The following ELAVL4 variants were observed in gnomAD, a reference collection of about 807,000 sequenced individuals.
The protein encoded by ELAVL4 is ELAV-like protein 4.
Under a neutral mutation model 35.6 loss-of-function variants are expected in ELAVL4, and 1 was observed. The ratio of observed to expected loss-of-function variants is 0.03; its 90% CI spans 0.01 to 0.13. ELAVL4 has a LOEUF of 0.13. Ranked by LOEUF, ELAVL4 falls within the 10% of genes least tolerant of loss-of-function variation. The pLI is 1.00. For missense variants in ELAVL4, 267 were observed against 464.9 expected, an observed-to-expected ratio of 0.57 and a Z score of 3.91; for synonymous variants, 156 against 171.0, an observed-to-expected ratio of 0.91 and a Z score of 0.69.
At chr1:50,194,037 T>C in intron 4 of ELAVL4, 119 bp downstream of exon 4, 1 of 1,283,784 alleles carries the variant, frequency 7.8e-7, no homozygotes, top group South Asian at 1.8e-5. Flanking sequence ...AATAGACAGA[T>C]TTTTGACTTG....
chr1:50,145,280 A>T, intron 2 of ELAVL4, 83 bp downstream of exon 2: 1 of 1,580,700 alleles, frequency 6.3e-7, no homozygotes, highest in East Asian at 2.2e-5. Flanking sequence ...GTGCACCTGA[A>T]TGTCTATATC....
In ELAVL4 at chr1:50,181,930, G is replaced by T. The variant is rs527416299; in HGVS notation, c.354+4738G>T. On this transcript the variant is annotated intron_variant, in intron 3 of 6. Coordinates refer to ENST00000371824, the MANE Select transcript of ELAVL4 (RefSeq NM_001144774.3). ...ACTCCTGACCTCAGGTGATCCACCC[G>T]CCTCAGCCTCCCAAAGTGCTGGGAT... Among the ~76,000 whole-genome samples, 7 of 152,290 alleles carry T rather than the reference G, an allele frequency of 4.6e-5. No homozygotes were observed. In the South Asian group the frequency reaches 6.2e-4, roughly 14 times the overall value.
At chr1:50,056,399 C>G (rs1663674755) in intron 1 of ELAVL4, among the ~76,000 whole-genome samples, 1 of 152,126 alleles carries the variant, frequency 6.6e-6, no homozygotes, top group African/African-American at 2.4e-5. Context: ...TGGAGGTCCC[C>G]TAAGATTATA....
chr1:50,192,888 G>T (rs1682878313), intron 3 of ELAVL4, among the ~76,000 whole-genome samples: 1 of 152,142 alleles, frequency 6.6e-6, no homozygotes, highest in Non-Finnish European at 1.5e-5. Flanking sequence ...CTACAGATTT[G>T]GCTTCTTGCA....
chr1:50,087,271 G>A (rs972679274), intron 1 of ELAVL4, among the ~76,000 whole-genome samples: 1 of 152,096 alleles, frequency 6.6e-6, no homozygotes, highest in Non-Finnish European at 1.5e-5. Context: ...TAATGAGGAA[G>A]CAGAGAGGTA....
At chr1:50,156,672 C>A (rs902278083) in intron 2 of ELAVL4, among the ~76,000 whole-genome samples, 1 of 152,100 alleles carries the variant, frequency 6.6e-6, no homozygotes, top group Admixed American at 6.5e-5. Flanking sequence ...CATTAGTGAC[C>A]CCCTTATTTA....
At chr1:50,128,039 T>G (rs568545917) in intron 1 of ELAVL4, among the ~76,000 whole-genome samples, 15 of 152,270 alleles carry the variant, frequency 9.9e-5, no homozygotes, top group African/African-American at 3.4e-4. Flanking sequence ...CAGAAACTCT[T>G]AAAGGTAGAA....
upstream of ELAVL4, among the ~76,000 whole-genome samples, chr1:50,100,283 G>A (rs1316591109): frequency 6.6e-6 from 1 of 152,134 alleles, no homozygotes; most frequent in Non-Finnish European, 1.5e-5. Context: ...TATAAAGAAC[G>A]TACTGAATAA....
intron 2 of ELAVL4, among the ~76,000 whole-genome samples, chr1:50,161,067 T>C (rs1355845841): frequency 2.0e-5 from 3 of 152,250 alleles, no homozygotes; most frequent in African/African-American, 7.2e-5. Flanking sequence ...CTTTTGTTGC[T>C]AAACCCTCGT....
chr1:50,103,222 A>G (rs1421039573), upstream of ELAVL4, among the ~76,000 whole-genome samples: 1 of 152,212 alleles, frequency 6.6e-6, no homozygotes, highest in African/African-American at 2.4e-5. Flanking sequence ...CCCCCACAGT[A>G]GCATTCTTCT....
At chr1:50,140,431 G>T (rs1399196865) in intron 1 of ELAVL4, among the ~76,000 whole-genome samples, 1 of 152,196 alleles carries the variant, frequency 6.6e-6, no homozygotes. Flanking sequence ...GAGAGAACAG[G>T]TGTCCTGTCT....
intron 2 of ELAVL4, among the ~76,000 whole-genome samples, chr1:50,169,932 C>T (rs1274685680): frequency 6.6e-6 from 1 of 152,166 alleles, no homozygotes; most frequent in Non-Finnish European, 1.5e-5. Flanking sequence ...TGTTTTCCTT[C>T]TACATTATAA....
chr1:50,126,535 C>T (rs1425875821), intron 1 of ELAVL4, among the ~76,000 whole-genome samples: 2 of 152,074 alleles, frequency 1.3e-5, no homozygotes, highest in Non-Finnish European at 2.9e-5. Flanking sequence ...CTAATTGATG[C>T]TCTGGTGAGA....
chr1:50,068,452 G>A (rs945150237), intron 1 of ELAVL4, among the ~76,000 whole-genome samples: 3 of 152,148 alleles, frequency 2.0e-5, no homozygotes, highest in Admixed American at 2.0e-4. Flanking sequence ...AATCTATGCT[G>A]TCTAGTAGTA....
upstream of ELAVL4, among the ~76,000 whole-genome samples, chr1:50,103,644 T>C (rs1367694676): frequency 6.6e-6 from 1 of 152,214 alleles, no homozygotes; most frequent in African/African-American, 2.4e-5. Flanking sequence ...TGTCAGGTCA[T>C]AGTCACTGAT....
rs946833239 is a variant in ELAVL4, at chr1:50,201,783, T to A, written c.*605T>A. The A allele has an allele frequency of 4.6e-5, 7 of 152,072 alleles. No homozygotes were observed. Among genetic ancestry groups the A allele is most frequent in the Admixed American group, 1.3e-4 (2 of 15,274 alleles). The allele number at this position is 152,072 out of a possible 1,614,324, so 9.4% of individuals were successfully genotyped here. A position where few individuals can be genotyped will look rare whatever the true frequency, so the allele number is the denominator to read the frequency against. On this transcript the variant is annotated 3_prime_UTR_variant, in exon 7 of 7. Transcript: ENST00000371824. The surrounding 1 kb of genome is among the most constrained non-coding windows in gnomAD (Gnocchi z 4.3). ...TTTTCCTTCTTTCTTTTATATCATG[T>A]GAACTAAAACAGTCTTCTGTTAGGG...
intron 3 of ELAVL4, among the ~76,000 whole-genome samples, chr1:50,178,880 A>G (rs1472760461): frequency 6.6e-6 from 1 of 152,128 alleles, no homozygotes. Context: ...CCTTGAACTG[A>G]AAAAGGTACT....
At chr1:50,099,975 G>T (rs764309479), upstream of ELAVL4, among the ~76,000 whole-genome samples, 84 of 152,308 alleles carry the variant, frequency 5.5e-4, no homozygotes, top group Middle Eastern at 3.4e-3. Flanking sequence ...GTTAGTTTTT[G>T]AGTATAGAGT....
intron 2 of ELAVL4, among the ~76,000 whole-genome samples, chr1:50,166,078 C>A (rs749251932): frequency 6.6e-6 from 1 of 151,756 alleles, no homozygotes; most frequent in Non-Finnish European, 1.5e-5. Flanking sequence ...CTGATTAGAT[C>A]GTGCCCACTA....
Sources: gnomAD v4.1 joint callset for allele counts (sites outside exome capture counted in the v4.1 genomes callset) on GRCh38, gnomAD v4.1.1 for gene constraint, Gnocchi (gnomAD v3.1) non-coding constraint, MANE v1.5 for transcripts, NCBI Gene and HGNC (gene_info 2026-07-23, HGNC 2026-07-21) for gene names.